The following PATJ variants were observed in gnomAD, a reference collection of about 807,000 sequenced individuals.
PATJ encodes PATJ crumbs cell polarity complex component.
Under a neutral mutation model 224.9 loss-of-function variants are expected in PATJ, and 190 were observed. The observed-to-expected ratio is 0.84, with a 90% CI of 0.75 to 0.95. PATJ has a LOEUF of 0.95. Among genes scored for constraint, PATJ ranks in the 40% least tolerant of loss-of-function variants. The pLI is 0.00. For synonymous variants in PATJ, 769 were observed against 820.3 expected (o/e 0.94, Z 1.07); for missense variants, 2,121 against 2,270.3 (o/e 0.93, Z 1.34).
Position 61,775,213 on chromosome 1 carries a change from G to A in PATJ, c.728G>A (p.Trp243Ter). The stretch of plus-strand genomic sequence containing the variant: ...TTTGCCATTAATTTGTAGGTTTGTT[G>A]GGGCCATGTTGAAGAGGTTGAGCTC... ...NDTTLPETVC[W>*]GHVEEVELIN... The change falls in exon 7 of 44, where the codon TGG becomes TAG. Residue 243 changes from tryptophan (W) to a stop codon, truncating the protein, a stop_gained. Coordinates refer to ENST00000642238, the MANE Select transcript of PATJ (RefSeq NM_001350145.3). LOFTEE classifies it high-confidence loss of function. The A allele has an allele frequency of 6.2e-7, 1 of 1,608,180 alleles. No individual in the cohort carries two copies. The highest frequency in any genetic ancestry group is 8.5e-7 in the Non-Finnish European group (1 of 1,178,234).
intron 14 of PATJ, among the ~76,000 whole-genome samples, chr1:61,813,417 T>G (rs1655379565): frequency 7.1e-6 from 1 of 141,580 alleles, no homozygotes; most frequent in South Asian, 2.3e-4. Flanking sequence ...ATATACATAT[T>G]TGTACTCAGT....
At position 61,768,991 on chromosome 1, in the gene PATJ, A is replaced by T. The variant is rs552586152; in HGVS notation, c.385-292A>T. ...AGTAATTCAGAATTTACTATGGGAA[A>T]AGGCATTTTTCTCAGGAGTTTCCAT... On this transcript the variant is annotated intron_variant, in intron 4 of 43. Transcript: ENST00000642238. 7.9e-5 allele frequency among the ~76,000 whole-genome samples: 12 copies of T among 152,352 alleles called. No individual in the cohort carries two copies. In the South Asian group the frequency reaches 2.5e-3, roughly 32 times the overall value.
chr1:61,976,331 T>A (rs1463996574), intron 27 of PATJ, among the ~76,000 whole-genome samples: 1 of 152,056 alleles, frequency 6.6e-6, no homozygotes, highest in Non-Finnish European at 1.5e-5. Flanking sequence ...TTCCATAACC[T>A]CCACTGGCCT....
chr1:61,892,871 G>T (rs954214046), intron 22 of PATJ, among the ~76,000 whole-genome samples: 2 of 152,132 alleles, frequency 1.3e-5, no homozygotes, highest in African/African-American at 2.4e-5. Flanking sequence ...TCTTGGTGTT[G>T]TATGTTCTGT....
At chr1:61,934,832 G>T (rs1676600241) in intron 27 of PATJ, among the ~76,000 whole-genome samples, 1 of 152,122 alleles carries the variant, frequency 6.6e-6, no homozygotes, top group Non-Finnish European at 1.5e-5. Context: ...TCAACAGTGG[G>T]GATGTGATGA....
chr1:61,869,676 C>T (rs1239001317), intron 20 of PATJ, among the ~76,000 whole-genome samples: 1 of 152,176 alleles, frequency 6.6e-6, no homozygotes, highest in Non-Finnish European at 1.5e-5. Flanking sequence ...GACAGAGGTG[C>T]CCTGTTTACT....
chr1:61,862,064 C>T (rs972578670), intron 19 of PATJ, among the ~76,000 whole-genome samples: 9 of 151,960 alleles, frequency 5.9e-5, no homozygotes, highest in Non-Finnish European at 1.0e-4. Context: ...GGTTTTATCA[C>T]GTTGCCCAGG....
intron 29 of PATJ, among the ~76,000 whole-genome samples, chr1:62,019,606 A>G (rs1646963861): frequency 6.6e-6 from 1 of 151,990 alleles, no homozygotes; most frequent in Non-Finnish European, 1.5e-5. Context: ...CTATTTTCAG[A>G]GAGTGAAAGC....
At chr1:61,744,951 A>G (rs923324980) in intron 1 of PATJ, among the ~76,000 whole-genome samples, 5 of 152,202 alleles carry the variant, frequency 3.3e-5, no homozygotes, top group African/African-American at 1.2e-4. Flanking sequence ...CTAGTTTATT[A>G]TTAAGAATAT....
intron 43 of PATJ, among the ~76,000 whole-genome samples, chr1:62,154,407 G>A (rs941881681): frequency 4.0e-5 from 6 of 151,840 alleles, no homozygotes; most frequent in Non-Finnish European, 7.4e-5. Context: ...AGTGGCTCAC[G>A]TCTGTAATCC....
intron 29 of PATJ, among the ~76,000 whole-genome samples, chr1:62,024,594 A>G (rs1647428556): frequency 6.6e-6 from 1 of 151,102 alleles, no homozygotes; most frequent in Admixed American, 6.6e-5. Context: ...GCTGGTCAAT[A>G]TTTATACTAT....
chr1:62,128,780 AT>A, intron 40 of PATJ, 60 bp from the exon 41 acceptor site: 1 of 1,046,502 alleles, frequency 9.6e-7, no homozygotes, highest in Non-Finnish European at 1.5e-6. Flanking sequence ...AATTTTAAGC[AT>A]TCTTCTCAAA....
intron 17 of PATJ, chr1:61,846,243 G>A (rs932855860): frequency 2.0e-5 from 3 of 152,110 alleles, no homozygotes; most frequent in African/African-American, 7.2e-5. Context: ...CTGTACTATT[G>A]TTATTTCCAT....
intron 16 of PATJ, among the ~76,000 whole-genome samples, chr1:61,831,076 A>G (rs992808699): frequency 6.6e-6 from 1 of 151,514 alleles, no homozygotes; most frequent in African/African-American, 2.4e-5. Context: ...AGTCCCAGCT[A>G]CTTGGGGGGG....
At chr1:62,079,413 C>CT (rs1658884368) in intron 31 of PATJ, 37 bp from the exon 32 acceptor site, 1 of 1,237,446 alleles carries the variant, frequency 8.1e-7, no homozygotes, top group Middle Eastern at 1.9e-4. Context: ...TACCTTTCTC[C>CT]TTTTTGATAT....
chr1:61,885,862 T>A (rs1273151690), intron 22 of PATJ, among the ~76,000 whole-genome samples: 1 of 151,872 alleles, frequency 6.6e-6, no homozygotes. Context: ...AAATGATGAG[T>A]TCATGTCCTT....
At chr1:61,814,130 C>CTT (rs762502160) in intron 14 of PATJ, among the ~76,000 whole-genome samples, 3,954 of 85,850 alleles carry the variant, frequency 0.046, 325 homozygotes, top group African/African-American at 0.068. Flanking sequence ...TTATTCTCTT[C>CTT]TTTTTTTTTT....
intron 27 of PATJ, among the ~76,000 whole-genome samples, chr1:61,948,947 A>G (rs975068632): frequency 6.6e-6 from 1 of 152,108 alleles, no homozygotes; most frequent in African/African-American, 2.4e-5. Context: ...CATCATTCTC[A>G]GCAAACTATC....
intron 27 of PATJ, among the ~76,000 whole-genome samples, chr1:61,983,596 A>C: frequency 6.6e-6 from 1 of 151,870 alleles, no homozygotes. Context: ...CATTGTTTGG[A>C]GCAATGTCAG....
Sources: allele counts gnomAD v4.1 joint callset (sites outside exome capture counted in the v4.1 genomes callset), GRCh38; gene constraint gnomAD v4.1.1; transcripts MANE v1.5; gene names NCBI Gene and HGNC (gene_info 2026-07-23, HGNC 2026-07-21).